MACROD2: variants seen among roughly 807,000 people sequenced by gnomAD.
The protein encoded by MACROD2 is mono-ADP ribosylhydrolase 2.
In MACROD2, 36 loss-of-function variants were observed where a neutral mutation model predicts 70.4. The ratio of observed to expected loss-of-function variants is 0.51; its 90% CI spans 0.39 to 0.68. The LOEUF (loss-of-function observed/expected upper bound fraction) is 0.68. Ranked by LOEUF, MACROD2 falls within the 30% of genes least tolerant of loss-of-function variation. The pLI, the probability that MACROD2 is intolerant of heterozygous loss-of-function variation, is 0.00. For synonymous variants in MACROD2, 172 were observed against 178.8 expected (o/e 0.96, Z 0.30); for missense variants, 496 against 538.4 (o/e 0.92, Z 0.78).
At chr20:15,764,493 A>G (rs2051490629) in intron 8 of MACROD2, among the ~76,000 whole-genome samples, 1 of 152,096 alleles carries the variant, frequency 6.6e-6, no homozygotes, top group Non-Finnish European at 1.5e-5. Context: ...CGCCATCATA[A>G]ATGGCCTCAC....
chr20:15,630,001 T>A (rs926546786), intron 8 of MACROD2, among the ~76,000 whole-genome samples: 4 of 152,312 alleles, frequency 2.6e-5, no homozygotes, highest in South Asian at 2.1e-4. Flanking sequence ...GTTCTCATTC[T>A]TTTTCTTCCC....
intron 6 of MACROD2, among the ~76,000 whole-genome samples, chr20:15,412,011 C>T (rs1036677689): frequency 6.6e-6 from 1 of 152,140 alleles, no homozygotes; most frequent in Non-Finnish European, 1.5e-5. Flanking sequence ...GTCAGCACCA[C>T]CCACCACTCT....
At chr20:15,135,922 C>G (rs565282885) in intron 5 of MACROD2, among the ~76,000 whole-genome samples, 1 of 151,976 alleles carries the variant, frequency 6.6e-6, no homozygotes, top group Non-Finnish European at 1.5e-5. Context: ...ACACCAAAAA[C>G]AGACAAACAG....
At chr20:15,159,990 A>G (rs1220955381) in intron 5 of MACROD2, among the ~76,000 whole-genome samples, 4 of 152,108 alleles carry the variant, frequency 2.6e-5, no homozygotes, top group Admixed American at 2.6e-4. Flanking sequence ...CTCAGAGACT[A>G]AGCCCAATGG....
At chr20:15,259,337 T>C (rs62205166) in intron 6 of MACROD2, among the ~76,000 whole-genome samples, 10,388 of 151,902 alleles carry the variant, frequency 0.068, 481 homozygotes, top group Middle Eastern at 0.15. Context: ...AAATTTCCAA[T>C]AGGACAAAAT....
At chr20:14,730,705 T>TA (rs1296933161) in intron 5 of MACROD2, among the ~76,000 whole-genome samples, 1 of 152,072 alleles carries the variant, frequency 6.6e-6, no homozygotes, top group Non-Finnish European at 1.5e-5. Context: ...CATACATATA[T>TA]AGTATATAGA....
chr20:14,884,489 G>T (rs897977037), intron 5 of MACROD2: 1 of 152,242 alleles, frequency 6.6e-6, no homozygotes. Context: ...ACCACAGCTA[G>T]AAACTGCCAC....
chr20:14,499,676 A>G (rs555118696), intron 4 of MACROD2, among the ~76,000 whole-genome samples: 1 of 152,148 alleles, frequency 6.6e-6, no homozygotes, highest in Non-Finnish European at 1.5e-5. Context: ...CAGGTCTGAC[A>G]ATGCTGAGTT....
intron 8 of MACROD2, among the ~76,000 whole-genome samples, chr20:15,761,718 TC>T (rs2051439266): frequency 6.6e-6 from 1 of 152,170 alleles, no homozygotes. Context: ...AGAGCGCTTT[TC>T]CCCAAAATAT....
At chr20:15,019,185 A>G (rs2075145601) in intron 5 of MACROD2, among the ~76,000 whole-genome samples, 1 of 152,102 alleles carries the variant, frequency 6.6e-6, no homozygotes, top group Admixed American at 6.5e-5. Flanking sequence ...GCGCGGAGAG[A>G]GTTTTCTTGG....
intron 5 of MACROD2, among the ~76,000 whole-genome samples, chr20:14,744,709 C>T (rs562687588): frequency 1.1e-4 from 16 of 152,148 alleles, no homozygotes; most frequent in African/African-American, 3.1e-4. Context: ...CTTTTGCATT[C>T]GACTTGCTCT....
At chr20:15,605,155 T>C (rs531372757) in intron 8 of MACROD2, among the ~76,000 whole-genome samples, 2 of 152,326 alleles carry the variant, frequency 1.3e-5, no homozygotes, top group South Asian at 2.1e-4. Context: ...ATCTTTTCAC[T>C]TTCTTCTTTT....
At chr20:15,895,012 A>G (rs2064948955) in intron 10 of MACROD2, among the ~76,000 whole-genome samples, 2 of 152,160 alleles carry the variant, frequency 1.3e-5, no homozygotes, top group Admixed American at 1.3e-4. Context: ...GAGAAACTCT[A>G]CCTCACCAAA....
intron 12 of MACROD2, among the ~76,000 whole-genome samples, chr20:15,947,728 G>T (rs1336286978): frequency 1.3e-5 from 2 of 152,170 alleles, no homozygotes; most frequent in African/African-American, 4.8e-5. Context: ...AAAATGGTGT[G>T]TACATAACAG....
intron 3 of MACROD2, among the ~76,000 whole-genome samples, chr20:14,287,777 T>C (rs2082356641): frequency 6.6e-6 from 1 of 152,076 alleles, no homozygotes; most frequent in Non-Finnish European, 1.5e-5. Context: ...AAGTTTCTTG[T>C]GATTGTTGGA....
At chr20:15,327,618 C>T (rs1179328769) in intron 6 of MACROD2, among the ~76,000 whole-genome samples, 6 of 151,992 alleles carry the variant, frequency 3.9e-5, no homozygotes, top group African/African-American at 1.4e-4. Flanking sequence ...GGGGTAACTG[C>T]CCCCATGATT....
At chr20:14,674,646 T>C (rs978217729) in intron 4 of MACROD2, among the ~76,000 whole-genome samples, 11 of 152,198 alleles carry the variant, frequency 7.2e-5, no homozygotes, top group Non-Finnish European at 1.6e-4. Context: ...GTGAAAGCTT[T>C]CAAGTCACTT....
At chr20:15,544,950 G>T (rs1319664692) in intron 8 of MACROD2, among the ~76,000 whole-genome samples, 1 of 152,308 alleles carries the variant, frequency 6.6e-6, no homozygotes, top group Admixed American at 6.5e-5. Flanking sequence ...CCTCAGAGGG[G>T]CCCTGAGTAC....
chr20:16,025,983 T>TA (rs71192315), intron 15 of MACROD2, among the ~76,000 whole-genome samples: 64,082 of 139,808 alleles, frequency 0.46, 14,786 homozygotes, highest in Non-Finnish European at 0.52. Context: ...CCATCTCTAC[T>TA]AAAAAAAAAA....
Sources: allele counts gnomAD v4.1 joint callset (sites outside exome capture counted in the v4.1 genomes callset), GRCh38; gene constraint gnomAD v4.1.1; transcripts MANE v1.5; gene names NCBI Gene and HGNC (gene_info 2026-07-23, HGNC 2026-07-21).